GALNT2: variants seen among roughly 807,000 people sequenced by gnomAD.
GALNT2 encodes UDP-GalNAc:polypeptide N-acetylgalactosaminyltransferase 2.
Under a neutral mutation model 81.4 loss-of-function variants are expected in GALNT2, and 31 were observed. The ratio of observed to expected loss-of-function variants is 0.38; its 90% confidence interval spans 0.29 to 0.51. The LOEUF is 0.51. GALNT2 is among the 20% of genes least tolerant of loss of function. GALNT2 has a pLI of 0.87. For synonymous variants in GALNT2, 303 were observed against 287.4 expected (o/e 1.05, Z -0.55); for missense variants, 629 against 765.7 (o/e 0.82, Z 2.11).
intron 1 of GALNT2, among the ~76,000 whole-genome samples, chr1:230,151,616 C>T (rs1042872738): frequency 6.6e-5 from 10 of 152,118 alleles, no homozygotes; most frequent in Admixed American, 2.6e-4. Context: ...CTGTGCCCAC[C>T]ACGTAAGCTA....
intron 3 of GALNT2, among the ~76,000 whole-genome samples, chr1:230,210,813 C>T: frequency 6.6e-6 from 1 of 152,230 alleles, no homozygotes; most frequent in East Asian, 1.9e-4. Context: ...GCTGTTTACT[C>T]TCACTGGAAT....
At chr1:230,219,752 A>G (rs1246895614) in intron 3 of GALNT2, among the ~76,000 whole-genome samples, 1 of 152,116 alleles carries the variant, frequency 6.6e-6, no homozygotes, top group Non-Finnish European at 1.5e-5. Context: ...GTCTTCATTC[A>G]TGGTATTCTC....
rs1167859638 is a variant in GALNT2, at chr1:230,236,222, G to A, written c.473+110G>A. On this transcript the variant is annotated intron_variant, in intron 4 of 15. Transcript: ENST00000366672. ...GGGCTGCAGACAGGGTCTCCTGACTGCTCAGCACAGGGTGCAGTGTGTAGC... is the reference window on the plus strand; with the variant it reads ...GGGCTGCAGACAGGGTCTCCTGACTACTCAGCACAGGGTGCAGTGTGTAGC... 12 of 1,358,512 alleles carry A rather than the reference G, an allele frequency of 8.8e-6. No homozygotes were observed. In the East Asian group the frequency reaches 2.8e-4, roughly 32 times the overall value. 84.2% of individuals were successfully genotyped at this position (1,358,512 alleles called of 1,614,324 possible).
intron 14 of GALNT2, among the ~76,000 whole-genome samples, chr1:230,269,652 T>G (rs541951885): frequency 2.2e-4 from 33 of 151,162 alleles, no homozygotes; most frequent in African/African-American, 7.8e-4. Flanking sequence ...TTCAGCACTT[T>G]AGGAAGCCAA....
intron 15 of GALNT2, among the ~76,000 whole-genome samples, chr1:230,277,871 G>A (rs1267670715): frequency 1.3e-5 from 2 of 152,150 alleles, no homozygotes; most frequent in Non-Finnish European, 2.9e-5. Flanking sequence ...CATATGTTGT[G>A]CATATTTGCA....
At chr1:230,104,043 C>T (rs1660472380) in intron 1 of GALNT2, among the ~76,000 whole-genome samples, 1 of 152,188 alleles carries the variant, frequency 6.6e-6, no homozygotes, top group Admixed American at 6.5e-5. Flanking sequence ...CTTGTGCTTA[C>T]TGAGTGCGAG....
At chr1:230,084,799 G>A (rs1226760473) in intron 1 of GALNT2, among the ~76,000 whole-genome samples, 1 of 152,174 alleles carries the variant, frequency 6.6e-6, no homozygotes, top group African/African-American at 2.4e-5. Context: ...TCTCTGACTG[G>A]TAACATGCTG....
intron 4 of GALNT2, 22 bp downstream of exon 4, chr1:230,236,134 C>A (rs759467275): frequency 1.2e-6 from 2 of 1,606,662 alleles, no homozygotes; most frequent in Admixed American, 3.3e-5. Flanking sequence ...AGATGCATTA[C>A]CTGTCAGGGG....
chr1:230,067,342 A>G lies in GALNT2; in HGVS notation c.62A>G (p.Tyr21Cys). The G allele has an allele frequency of 3.6e-6, 5 of 1,376,650 alleles. No homozygotes were observed. The highest frequency in any genetic ancestry group is 3.8e-6 in the Non-Finnish European group (4 of 1,052,290). 85.3% of individuals were successfully genotyped at this position (1,376,650 alleles called of 1,614,324 possible). A position where few individuals can be genotyped will look rare whatever the true frequency, so the allele number is the denominator to read the frequency against. ...TTCCTGTGGGTGCTGGGCATCGCCT[A>G]CTACATGTACTCGGGGGGCGGCTCT... ...FAFLWVLGIA[Y>C]YMYSGGGSAL... is the part of the protein sequence containing the mutation. Residue 21 changes from tyrosine (Y) to cysteine (C), a missense_variant, in exon 1 of 16, where the codon TAC (tyrosine) becomes TGC (cysteine). Transcript: ENST00000366672.
intron 1 of GALNT2, among the ~76,000 whole-genome samples, chr1:230,166,054 C>T (rs1662591376): frequency 1.3e-5 from 2 of 151,936 alleles, no homozygotes; most frequent in South Asian, 4.1e-4. Flanking sequence ...GTTTACCTGT[C>T]TTTAAAGTGG....
rs201936056 is a variant in GALNT2, at chr1:230,213,136, T to A, written c.374+9846T>A. On this transcript the variant is annotated intron_variant, in intron 3 of 15. Transcript: ENST00000366672. Reference sequence around the variant, plus strand: ...TGCTAAATGAGTTGTGTGATTTGCTTTCTTTACTCTTTAGTCTTTTCTTTC... The same window carrying A: ...TGCTAAATGAGTTGTGTGATTTGCTATCTTTACTCTTTAGTCTTTTCTTTC... Among the ~76,000 whole-genome samples the A allele has an allele frequency of 3.8e-4, 58 of 152,362 alleles. 1 individual carries two copies. The East Asian group carries it at 9.2e-3, about 24-fold the overall frequency.
At chr1:230,223,260 T>A (rs1664606012) in intron 3 of GALNT2, among the ~76,000 whole-genome samples, 2 of 151,816 alleles carry the variant, frequency 1.3e-5, no homozygotes, top group South Asian at 4.2e-4. Flanking sequence ...CAAGTTTTCC[T>A]TTTTTGCCAT....
intron 1 of GALNT2, among the ~76,000 whole-genome samples, chr1:230,082,276 A>G (rs1659758820): frequency 1.3e-5 from 2 of 152,252 alleles, no homozygotes; most frequent in Non-Finnish European, 2.9e-5. Flanking sequence ...CATTTGGGTT[A>G]CATTTTTAAG....
intron 15 of GALNT2, among the ~76,000 whole-genome samples, chr1:230,276,129 T>C (rs1242026337): frequency 2.0e-5 from 3 of 151,720 alleles, no homozygotes; most frequent in Non-Finnish European, 4.4e-5. Flanking sequence ...ACCACAGATA[T>C]ATACATATAT....
intron 1 of GALNT2, among the ~76,000 whole-genome samples, chr1:230,113,891 TC>T (rs1053370195): frequency 5.9e-5 from 9 of 152,154 alleles, no homozygotes; most frequent in African/African-American, 2.2e-4. Flanking sequence ...TCAGGGCAAG[TC>T]ATTGGATTTG....
chr1:230,173,074 A>G (rs1662845775), intron 1 of GALNT2, among the ~76,000 whole-genome samples: 1 of 152,192 alleles, frequency 6.6e-6, no homozygotes, highest in South Asian at 2.1e-4. Context: ...TAGGATACAT[A>G]ATTTTGAACC....
At chr1:230,156,124 C>A (rs898423990) in intron 1 of GALNT2, among the ~76,000 whole-genome samples, 2 of 151,512 alleles carry the variant, frequency 1.3e-5, no homozygotes, top group African/African-American at 4.9e-5. Context: ...AGTGGAATAC[C>A]ACGTAGACCT....
intron 1 of GALNT2, among the ~76,000 whole-genome samples, chr1:230,119,960 G>C (rs1203711150): frequency 6.6e-6 from 1 of 152,116 alleles, no homozygotes; most frequent in Non-Finnish European, 1.5e-5. Flanking sequence ...GGGTCACATT[G>C]TCTGTTCCTG....
rs529275935 is a variant in GALNT2 at position 230,281,517 on chromosome 1, G to GA, written c.*2062dup. On this transcript the variant is annotated 3_prime_UTR_variant, in exon 16 of 16. Coordinates refer to ENST00000366672, the MANE Select transcript of GALNT2 (RefSeq NM_004481.5). ...GCGAGCTGCTACTACTGTAAGGAGG[G>GA]AAATGGATGAATCTGGCTCGTTTTA... is the stretch of plus-strand genomic sequence containing the variant. 5 of 152,376 alleles carry GA rather than the reference G, an allele frequency of 3.3e-5. No individual in the cohort carries two copies. The South Asian group carries it at 8.3e-4, about 25-fold the overall frequency. The allele number at this position is 152,376 out of a possible 1,614,324, so 9.4% of individuals were successfully genotyped here.
Sources: gnomAD v4.1 joint callset for allele counts (sites outside exome capture counted in the v4.1 genomes callset) on GRCh38, gnomAD v4.1.1 for gene constraint, MANE v1.5 for transcripts, NCBI Gene and HGNC (gene_info 2026-07-23, HGNC 2026-07-21) for gene names.